The following LRRTM3 variants were observed in gnomAD, a reference collection of about 807,000 sequenced individuals.
LRRTM3 encodes leucine rich repeat transmembrane neuronal 3.
LRRTM3 carries 24 observed loss-of-function variants against 44.7 expected under a neutral mutation model. The observed-to-expected ratio is 0.54, with a 90% CI of 0.39 to 0.76. The LOEUF (loss-of-function observed/expected upper bound fraction) is 0.76. Ranked by LOEUF, LRRTM3 falls within the 30% of genes least tolerant of loss-of-function variation. LRRTM3 has a pLI of 0.00. For missense variants in LRRTM3, 587 were observed against 702.2 expected (o/e 0.84, Z 1.85); for synonymous variants, 277 against 278.7 (o/e 0.99, Z 0.06).
intron 2 of LRRTM3, among the ~76,000 whole-genome samples, chr10:67,056,473 T>C (rs1479281205): frequency 6.6e-6 from 1 of 152,198 alleles, no homozygotes; most frequent in Non-Finnish European, 1.5e-5. Flanking sequence ...TCTCAAATTG[T>C]ATAAGCTTCA....
intron 2 of LRRTM3, among the ~76,000 whole-genome samples, chr10:66,929,643 G>T (rs1230064493): frequency 2.0e-5 from 3 of 152,184 alleles, no homozygotes; most frequent in Non-Finnish European, 4.4e-5. Context: ...CACTATGACA[G>T]TTCTCTGTTG....
In LRRTM3 at chr10:66,927,278, T is replaced by G. The variant is rs762861474; in HGVS notation, c.362T>G (p.Ile121Ser). 1 of 1,614,084 alleles carries G rather than the reference T, an allele frequency of 6.2e-7. No individual in the cohort carries two copies. ...GAGCTGATTCTTAGTTCCAATAGAA[T>G]CTCCTATTTTCTTAACAATACCTTC... is the stretch of plus-strand genomic sequence containing the variant. Reference protein sequence around the residue: ...LKELILSSNRISYFLNNTFRP... With the variant: ...LKELILSSNRSSYFLNNTFRP... The change falls in exon 2 of 3, where the codon ATC becomes AGC. Residue 121 changes from isoleucine (I) to serine (S), a missense_variant. Around this residue, in one of 3 missense-constraint regions of LRRTM3, gnomAD observed 222 missense variants for 323.3 expected, o/e 0.69. Coordinates refer to ENST00000361320, the MANE Select transcript of LRRTM3 (RefSeq NM_178011.5). This position sits in a 1 kb window ranked among gnomAD's most constrained non-coding sequence, Gnocchi z 4.7.
chr10:67,059,640 G>A (rs560440405), intron 2 of LRRTM3, among the ~76,000 whole-genome samples: 1 of 152,160 alleles, frequency 6.6e-6, no homozygotes, highest in Middle Eastern at 3.4e-3. Context: ...TTCTGATCTT[G>A]AGAAAGTAAA....
chr10:66,967,545 G>C (rs1401050630), intron 2 of LRRTM3, among the ~76,000 whole-genome samples: 1 of 151,892 alleles, frequency 6.6e-6, no homozygotes, highest in Non-Finnish European at 1.5e-5. Context: ...ACTTGCATCT[G>C]CACCCTCTAT....
chr10:66,963,106 A>G (rs1287452431), intron 2 of LRRTM3, among the ~76,000 whole-genome samples: 2 of 152,144 alleles, frequency 1.3e-5, no homozygotes, highest in Admixed American at 1.3e-4. Context: ...ATTAACCAAA[A>G]TTATTTTAAA....
intron 2 of LRRTM3, among the ~76,000 whole-genome samples, chr10:66,953,289 T>C (rs936365835): frequency 2.0e-5 from 3 of 152,184 alleles, no homozygotes; most frequent in African/African-American, 7.2e-5. Context: ...AAATCATTAA[T>C]TGTCTTTGAA....
chr10:66,988,249 G>T (rs1344780323), intron 2 of LRRTM3, among the ~76,000 whole-genome samples: 1 of 151,990 alleles, frequency 6.6e-6, no homozygotes, highest in Non-Finnish European at 1.5e-5. Context: ...TACCTCACAG[G>T]ATCATTGAGG....
chr10:67,092,783 G>C (rs7090033), intron 2 of LRRTM3, among the ~76,000 whole-genome samples: 27,487 of 151,874 alleles, frequency 0.18, 4,131 homozygotes, highest in African/African-American at 0.42. Context: ...ATACGAGACA[G>C]TGATATGAGA....
intron 2 of LRRTM3, among the ~76,000 whole-genome samples, chr10:66,931,045 A>T (rs1564775018): frequency 6.6e-6 from 1 of 152,142 alleles, no homozygotes; most frequent in Non-Finnish European, 1.5e-5. Flanking sequence ...CCTCACCTCC[A>T]TCCCATGGTA....
Position 67,100,636 on chromosome 10 carries a change from G to A in LRRTM3, c.*2840G>A, listed in dbSNP as rs1858285097. Among the ~76,000 whole-genome samples, 1 of 151,506 alleles carries A rather than the reference G, an allele frequency of 6.6e-6. No homozygotes were observed. Among genetic ancestry groups the A allele is most frequent in the Non-Finnish European group, 1.5e-5 (1 of 67,762 alleles). On this transcript the variant is annotated 3_prime_UTR_variant, in exon 3 of 3. Coordinates refer to ENST00000361320, the MANE Select transcript of LRRTM3 (RefSeq NM_178011.5). The stretch of plus-strand genomic sequence containing the variant: ...TTAAACAACTGAAATGTTTACTTAT[G>A]TTTGGAGCTGAAAAATGGAAAGTTT...
At chr10:67,062,105 T>C (rs533509225) in intron 2 of LRRTM3, among the ~76,000 whole-genome samples, 7 of 152,134 alleles carry the variant, frequency 4.6e-5, no homozygotes, top group Non-Finnish European at 1.0e-4. Context: ...ACTTTATATA[T>C]ATATACATTA....
intron 2 of LRRTM3, among the ~76,000 whole-genome samples, chr10:67,014,313 G>A (rs1271996332): frequency 6.6e-6 from 1 of 152,100 alleles, no homozygotes; most frequent in East Asian, 1.9e-4. Context: ...TGTAATTTAT[G>A]TCATTCTGTT....
intron 2 of LRRTM3, among the ~76,000 whole-genome samples, chr10:67,037,256 A>G (rs1280598971): frequency 6.6e-6 from 1 of 152,186 alleles, no homozygotes; most frequent in African/African-American, 2.4e-5. Flanking sequence ...ATGTTACTTT[A>G]GAGATATTTA....
Position 67,097,750 on chromosome 10 carries a change from T to G in LRRTM3, c.1700T>G (p.Ile567Ser). The change falls in exon 3 of 3, where the codon ATC becomes AGC. Residue 567 changes from isoleucine (I) to serine (S), a missense_variant. Transcript: ENST00000361320. Reference sequence around the variant, plus strand: ...GAGACTGAGCTGGACCTGAGCACAATCACAACAGCTGGCCGAATCAGTGAC... The same window carrying G: ...GAGACTGAGCTGGACCTGAGCACAAGCACAACAGCTGGCCGAATCAGTGAC... ...HLETELDLST[I>S]TTAGRISDHK... 6.2e-7 allele frequency: 1 copy of G among 1,612,408 alleles called. No homozygotes were observed. The highest frequency in any genetic ancestry group is 8.5e-7 in the Non-Finnish European group (1 of 1,178,972).
intron 2 of LRRTM3, among the ~76,000 whole-genome samples, chr10:66,991,273 C>T (rs1302111384): frequency 1.3e-5 from 2 of 152,088 alleles, no homozygotes; most frequent in Admixed American, 6.6e-5. Flanking sequence ...ATGATCTGCA[C>T]ATTACTTATC....
chr10:67,005,580 A>T (rs1166011512), intron 2 of LRRTM3, among the ~76,000 whole-genome samples: 1 of 151,742 alleles, frequency 6.6e-6, no homozygotes, highest in African/African-American at 2.4e-5. Flanking sequence ...AGGTGAATAT[A>T]TCTGATGAAT....
At chr10:67,012,134 AC>A (rs2133041870) in intron 2 of LRRTM3, among the ~76,000 whole-genome samples, 1 of 152,296 alleles carries the variant, frequency 6.6e-6, no homozygotes, top group African/African-American at 2.4e-5. Context: ...ATTCTTATCC[AC>A]TGTGCAGTGC....
At chr10:66,981,451 C>A (rs1056371888) in intron 2 of LRRTM3, among the ~76,000 whole-genome samples, 1 of 152,136 alleles carries the variant, frequency 6.6e-6, no homozygotes, top group Non-Finnish European at 1.5e-5. Context: ...CTTACCCATC[C>A]CCATTTCCAT....
intron 2 of LRRTM3, among the ~76,000 whole-genome samples, chr10:66,972,747 G>A (rs1849797185): frequency 8.0e-6 from 1 of 125,582 alleles, no homozygotes; most frequent in Admixed American, 9.8e-5. Context: ...GTCTGGCTCT[G>A]TCACCCAGGC....
Sources: allele counts gnomAD v4.1 joint callset (sites outside exome capture counted in the v4.1 genomes callset), GRCh38; gene constraint gnomAD v4.1.1; regional missense constraint gnomAD v4.1.1; non-coding constraint Gnocchi (gnomAD v3.1); transcripts MANE v1.5; gene names NCBI Gene and HGNC (gene_info 2026-07-23, HGNC 2026-07-21).